Variants in SOBP observed in about 807,000 individuals in gnomAD.
SOBP encodes the protein sine oculis binding protein homolog.
In SOBP, 4 loss-of-function variants were observed where a neutral mutation model predicts 53.6. The observed-to-expected ratio is 0.07, with a 90% confidence interval of 0.04 to 0.17. SOBP has a LOEUF of 0.17. Among genes scored for constraint, SOBP ranks in the 10% least tolerant of loss-of-function variants. The pLI is 1.00. For missense variants in SOBP, 1,088 were observed against 1,204.7 expected (o/e 0.90, Z 1.43); for synonymous variants, 584 against 522.6 (o/e 1.12, Z -1.60).
intron 5 of SOBP, among the ~76,000 whole-genome samples, chr6:107,606,526 G>C (rs1163078571): frequency 6.6e-6 from 1 of 152,166 alleles, no homozygotes; most frequent in African/African-American, 2.4e-5. Flanking sequence ...CTTCTTCACT[G>C]CTTCTAGATA....
At chr6:107,535,631 G>T (rs1201945652) in intron 4 of SOBP, among the ~76,000 whole-genome samples, 1 of 145,610 alleles carries the variant, frequency 6.9e-6, no homozygotes, top group Non-Finnish European at 1.5e-5. Context: ...GTGTGTGTGT[G>T]TGTGTGTTTT....
chr6:107,639,739 G>A lies in SOBP; in HGVS notation c.*3+4270G>A, dbSNP rs1049493174. On this transcript the variant is annotated intron_variant, in intron 6 of 6. Coordinates refer to ENST00000317357, the MANE Select transcript of SOBP (RefSeq NM_018013.4). Reference sequence around the variant, plus strand: ...TTACACTTGTTTATGGTACATTGGGGAGTTCAGAGTAACCATTTGCAAATG... The same window carrying A: ...TTACACTTGTTTATGGTACATTGGGAAGTTCAGAGTAACCATTTGCAAATG... Among the ~76,000 whole-genome samples the A allele has an allele frequency of 2.8e-4, 42 of 152,120 alleles. 1 individual carries two copies. The highest frequency in any genetic ancestry group is 1.5e-4 in the Non-Finnish European group (10 of 68,036).
At chr6:107,653,418 G>A (rs1397662985) in intron 6 of SOBP, among the ~76,000 whole-genome samples, 7 of 152,212 alleles carry the variant, frequency 4.6e-5, no homozygotes, top group African/African-American at 1.2e-4. Flanking sequence ...CAGCCAGCAC[G>A]TAATGGCTGT....
chr6:107,545,265 G>C (rs1784266110), intron 4 of SOBP, among the ~76,000 whole-genome samples: 1 of 152,190 alleles, frequency 6.6e-6, no homozygotes, highest in African/African-American at 2.4e-5. Context: ...TATATATAGA[G>C]AGAACTATAT....
At chr6:107,610,790 GCA>G (rs1160079541) in intron 5 of SOBP, among the ~76,000 whole-genome samples, 3 of 123,166 alleles carry the variant, frequency 2.4e-5, no homozygotes, top group African/African-American at 3.7e-5. Flanking sequence ...GCACGTGTGT[GCA>G]CACGCACACA....
intron 5 of SOBP, among the ~76,000 whole-genome samples, chr6:107,619,135 T>C (rs1475481859): frequency 6.6e-6 from 1 of 152,126 alleles, no homozygotes; most frequent in Non-Finnish European, 1.5e-5. Context: ...GGTAATTGCA[T>C]CCTGAACCCT....
intron 4 of SOBP, among the ~76,000 whole-genome samples, chr6:107,575,972 T>C (rs937309548): frequency 3.3e-5 from 5 of 152,186 alleles, no homozygotes; most frequent in South Asian, 2.1e-4. Flanking sequence ...GAGAGTGTCG[T>C]TGGAGCAGAG....
chr6:107,538,000 A>C (rs915164310), intron 4 of SOBP, among the ~76,000 whole-genome samples: 1 of 152,116 alleles, frequency 6.6e-6, no homozygotes, highest in Admixed American at 6.5e-5. Context: ...ATTTCCTAAC[A>C]ATCATTATAA....
intron 1 of SOBP, among the ~76,000 whole-genome samples, chr6:107,497,814 A>G (rs1782738994): frequency 6.6e-6 from 1 of 152,214 alleles, no homozygotes; most frequent in African/African-American, 2.4e-5. Context: ...CAATGCTGAA[A>G]CATGCATATT....
chr6:107,506,224 G>T lies in SOBP; in HGVS notation c.236-18G>T. On this transcript the variant is annotated intron_variant, in intron 2 of 6. Coordinates refer to ENST00000317357, the MANE Select transcript of SOBP (RefSeq NM_018013.4). ...TACATTCCTTGGTCACATTGAATATGATTTTTTTCTTTTACAGAAAATTCT... is the reference window on the plus strand; with the variant it reads ...TACATTCCTTGGTCACATTGAATATTATTTTTTTCTTTTACAGAAAATTCT... The T allele has an allele frequency of 6.2e-7, 1 of 1,610,702 alleles. No individual in the cohort carries two copies. Among genetic ancestry groups the T allele is most frequent in the South Asian group, 1.1e-5 (1 of 91,016 alleles).
chr6:107,549,784 C>A (rs1784412568), intron 4 of SOBP, among the ~76,000 whole-genome samples: 1 of 152,060 alleles, frequency 6.6e-6, no homozygotes. Context: ...GTGATATAGA[C>A]CTCAATTTCT....
Position 107,634,746 on chromosome 6 carries a change from G to T in SOBP, c.1902G>T (p.Pro634=). The part of the protein sequence containing the change: ...TRRAGSPPGP[P]GAGGQLGFPG... ...GCGCCGGCAGCCCCCCGGGCCCCCCGGGCGCGGGCGGCCAGCTCGGCTTCC... is the reference window on the plus strand; with the variant it reads ...GCGCCGGCAGCCCCCCGGGCCCCCCTGGCGCGGGCGGCCAGCTCGGCTTCC... The change falls in exon 6 of 7, where the codon CCG becomes CCT. Residue 634 remains proline, a synonymous_variant. Coordinates refer to ENST00000317357, the MANE Select transcript of SOBP (RefSeq NM_018013.4). The surrounding 1 kb of genome is among the most constrained non-coding windows in gnomAD (Gnocchi z 4.5). The T allele has an allele frequency of 7.5e-7, 1 of 1,333,352 alleles. No individual in the cohort carries two copies. 82.6% of individuals were successfully genotyped at this position (1,333,352 alleles called of 1,614,324 possible). A position where few individuals can be genotyped will look rare whatever the true frequency, so the allele number is the denominator to read the frequency against.
At chr6:107,588,952 A>G (rs1785658248) in intron 5 of SOBP, among the ~76,000 whole-genome samples, 1 of 152,220 alleles carries the variant, frequency 6.6e-6, no homozygotes, top group Non-Finnish European at 1.5e-5. Flanking sequence ...TATTTCTCCA[A>G]GGAGAAATTT....
rs1583131635 is a variant in SOBP, at chr6:107,490,372, C to G, written c.-245C>G. The G allele has an allele frequency of 1.6e-5, 3 of 186,404 alleles. No homozygotes were observed. Among genetic ancestry groups the G allele is most frequent in the East Asian group, 2.4e-4 (2 of 8,262 alleles). 11.5% of individuals were successfully genotyped at this position (186,404 alleles called of 1,614,324 possible). A position where few individuals can be genotyped will look rare whatever the true frequency, so the allele number is the denominator to read the frequency against. ...GCAGCAGGAGCCGGAGCGACGGCGG[C>G]GGCATCCCCGAGACTCTCCGCACTA... On this transcript the variant is annotated 5_prime_UTR_variant, in exon 1 of 7. Transcript: ENST00000317357.
At chr6:107,576,316 G>T (rs1310093363) in intron 4 of SOBP, among the ~76,000 whole-genome samples, 1 of 152,152 alleles carries the variant, frequency 6.6e-6, no homozygotes, top group African/African-American at 2.4e-5. Flanking sequence ...TTCTGTCCTC[G>T]TCCTAGGCTT....
chr6:107,592,872 G>T (rs528700534), intron 5 of SOBP, among the ~76,000 whole-genome samples: 5 of 152,234 alleles, frequency 3.3e-5, no homozygotes, highest in African/African-American at 1.2e-4. Flanking sequence ...TGGAAAAATA[G>T]AACTTTCCAG....
At chr6:107,526,914 CTA>C (rs1398330559) in intron 3 of SOBP, among the ~76,000 whole-genome samples, 1 of 152,008 alleles carries the variant, frequency 6.6e-6, no homozygotes, top group African/African-American at 2.4e-5. Context: ...GAGGAGTGGA[CTA>C]TTTAAATTCT....
intron 4 of SOBP, among the ~76,000 whole-genome samples, chr6:107,551,662 A>G (rs1486762452): frequency 6.6e-6 from 1 of 152,256 alleles, no homozygotes; most frequent in Non-Finnish European, 1.5e-5. Flanking sequence ...ATTTCATGAA[A>G]TAATACCATA....
rs528131119 is a variant in SOBP, at chr6:107,570,591, G to A, written c.574-16489G>A. 3.9e-5 allele frequency among the ~76,000 whole-genome samples: 6 copies of A among 152,306 alleles called. No homozygotes were observed. In the South Asian group the frequency reaches 1.2e-3, roughly 32 times the overall value. ...CCACGCTCTCATTCTACCAAGTGTGGGTAACAAGTACGAGCCCCGCTTTAT... is the reference window on the plus strand; with the variant it reads ...CCACGCTCTCATTCTACCAAGTGTGAGTAACAAGTACGAGCCCCGCTTTAT... On this transcript the variant is annotated intron_variant, in intron 4 of 6. Coordinates refer to ENST00000317357, the MANE Select transcript of SOBP (RefSeq NM_018013.4).
Sources: allele counts gnomAD v4.1 joint callset (sites outside exome capture counted in the v4.1 genomes callset), GRCh38; gene constraint gnomAD v4.1.1; non-coding constraint Gnocchi (gnomAD v3.1); transcripts MANE v1.5; gene names NCBI Gene and HGNC (gene_info 2026-07-23, HGNC 2026-07-21).